The following SAMD12 variants were observed in gnomAD, a reference collection of about 807,000 sequenced individuals.
The protein encoded by SAMD12 is sterile alpha motif domain containing 12.
A neutral mutation model predicts 15.0 loss-of-function variants in SAMD12; 9 were observed. The observed-to-expected ratio is 0.60, with a 90% CI of 0.36 to 1.05. The LOEUF is 1.05. Among genes scored for constraint, SAMD12 ranks in the 50% least tolerant of loss-of-function variants. The pLI is 0.01. For synonymous variants in SAMD12, 86 were observed against 90.1 expected (o/e 0.96, Z 0.25); for missense variants, 230 against 234.2 (o/e 0.98, Z 0.12).
intron 4 of SAMD12, among the ~76,000 whole-genome samples, chr8:118,339,364 A>T (rs1374869667): frequency 3.3e-5 from 5 of 152,090 alleles, no homozygotes; most frequent in Non-Finnish European, 7.4e-5. Flanking sequence ...AAGGAAAGAG[A>T]GAGAGAAAGA....
intron 2 of SAMD12, among the ~76,000 whole-genome samples, chr8:118,472,622 T>A (rs1368683634): frequency 2.0e-5 from 3 of 151,348 alleles, no homozygotes; most frequent in African/African-American, 7.3e-5. Context: ...ATATAGTGAG[T>A]GATGATCGCA....
At chr8:118,137,398 G>A in the SAMD12 span, among the ~76,000 whole-genome samples, 3 of 152,134 alleles carry the variant, frequency 2.0e-5, no homozygotes, top group Non-Finnish European at 4.4e-5. Context: ...GGGGTGGGGG[G>A]CTTTGCAAAG....
intron 3 of SAMD12, among the ~76,000 whole-genome samples, chr8:118,437,639 T>A (rs1404764559): frequency 1.3e-5 from 2 of 152,184 alleles, no homozygotes; most frequent in Admixed American, 1.3e-4. Flanking sequence ...ATAAGCAGCT[T>A]GCCCAAGATC....
At chr8:118,582,096 T>TCAGG (rs1357888506) in intron 1 of SAMD12, among the ~76,000 whole-genome samples, 1 of 152,108 alleles carries the variant, frequency 6.6e-6, no homozygotes, top group East Asian at 1.9e-4. Context: ...TGATGAGTAC[T>TCAGG]TTAGACCTGA....
At chr8:118,309,502 T>A (rs1008359789) in intron 4 of SAMD12, among the ~76,000 whole-genome samples, 7 of 152,090 alleles carry the variant, frequency 4.6e-5, no homozygotes, top group Non-Finnish European at 1.0e-4. Flanking sequence ...CTCTTACAAA[T>A]ATGCATGTGC....
At chr8:118,273,631 ACT>A (rs769186506) in intron 4 of SAMD12, among the ~76,000 whole-genome samples, 23 of 152,142 alleles carry the variant, frequency 1.5e-4, no homozygotes, top group Admixed American at 5.9e-4. Context: ...CCCATGATGA[ACT>A]CTGAGACATT....
At chr8:118,374,219 A>G (rs1384402692), downstream of SAMD12, among the ~76,000 whole-genome samples, 3 of 152,094 alleles carry the variant, frequency 2.0e-5, no homozygotes, top group Non-Finnish European at 4.4e-5. Context: ...GATACTCCAT[A>G]TGAGTAGAAT....
chr8:118,396,190 C>T (rs545149472), intron 3 of SAMD12, among the ~76,000 whole-genome samples: 3 of 152,184 alleles, frequency 2.0e-5, no homozygotes, highest in African/African-American at 7.2e-5. Context: ...CACATGCAAG[C>T]TCTGTGAGCT....
chr8:118,615,968 T>C (rs1828228860), intron 1 of SAMD12, among the ~76,000 whole-genome samples: 1 of 152,186 alleles, frequency 6.6e-6, no homozygotes, highest in Admixed American at 6.5e-5. Context: ...GTTCACACAG[T>C]CACTGGAAGG....
intron 2 of SAMD12, among the ~76,000 whole-genome samples, chr8:118,573,903 C>T (rs1360204452): frequency 1.3e-5 from 2 of 152,156 alleles, no homozygotes; most frequent in East Asian, 3.8e-4. Context: ...ATTGATATTG[C>T]AGCAGTGAAC....
intron 2 of SAMD12, among the ~76,000 whole-genome samples, chr8:118,539,041 G>A (rs371058175): frequency 1.7e-4 from 26 of 152,178 alleles, no homozygotes; most frequent in African/African-American, 6.3e-4. Context: ...AGCAATTCAA[G>A]CCATCTCCCA....
At chr8:118,550,508 T>A (rs1323398646) in intron 2 of SAMD12, among the ~76,000 whole-genome samples, 1 of 152,098 alleles carries the variant, frequency 6.6e-6, no homozygotes, top group Non-Finnish European at 1.5e-5. Context: ...AGGCCTGCCC[T>A]AAAAGAGCTC....
intron 4 of SAMD12, among the ~76,000 whole-genome samples, chr8:118,372,452 T>C (rs529627387): frequency 6.6e-6 from 1 of 150,760 alleles, no homozygotes; most frequent in South Asian, 2.1e-4. Context: ...AAATCTCCCA[T>C]TGTTTTCATA....
intron 4 of SAMD12, among the ~76,000 whole-genome samples, chr8:118,347,809 G>T (rs1817741475): frequency 6.6e-6 from 1 of 152,076 alleles, no homozygotes; most frequent in Non-Finnish European, 1.5e-5. Context: ...CTCTTACATA[G>T]CTCTTACTGT....
Position 118,468,943 on chromosome 8 carries a change from T to C in SAMD12, c.193-28982A>G, listed in dbSNP as rs538438045. Among the ~76,000 whole-genome samples, 5 of 152,204 alleles carry C rather than the reference T, an allele frequency of 3.3e-5. No homozygotes were observed. The South Asian group carries it at 1.0e-3, about 31-fold the overall frequency. ...TAAGTTGCAGTGAGAGGCTGCTGCTTCATCATATCATATAGGATTCTGCTG... is the reference window on the plus strand; with the variant it reads ...TAAGTTGCAGTGAGAGGCTGCTGCTCCATCATATCATATAGGATTCTGCTG... On this transcript the variant is annotated intron_variant, in intron 2 of 3. Coordinates refer to ENST00000314727, the MANE Select transcript of SAMD12 (RefSeq NM_207506.3).
intron 3 of SAMD12, among the ~76,000 whole-genome samples, chr8:118,429,641 C>T (rs763817080): frequency 5.3e-5 from 8 of 152,088 alleles, no homozygotes; most frequent in Non-Finnish European, 7.4e-5. Context: ...TGCCTGTAAT[C>T]CCAGCACTTT....
chr8:118,591,587 T>C (rs1827586451), intron 1 of SAMD12, among the ~76,000 whole-genome samples: 1 of 152,068 alleles, frequency 6.6e-6, no homozygotes, highest in Admixed American at 6.6e-5. Flanking sequence ...AATAGTACCA[T>C]GCACTTTTAA....
intron 2 of SAMD12, among the ~76,000 whole-genome samples, chr8:118,510,706 G>T (rs1825056833): frequency 6.6e-6 from 1 of 152,110 alleles, no homozygotes; most frequent in South Asian, 2.1e-4. Context: ...TTACAGCCTG[G>T]CTCTACTAGG....
chr8:118,168,012 T>A, the SAMD12 span, among the ~76,000 whole-genome samples: 9 of 152,270 alleles, frequency 5.9e-5, no homozygotes, highest in African/African-American at 1.9e-4. Context: ...TGGGAGGTAA[T>A]TGAATCACAG....
Sources: allele counts gnomAD v4.1 joint callset (sites outside exome capture counted in the v4.1 genomes callset), GRCh38; gene constraint gnomAD v4.1.1; transcripts MANE v1.5; gene names NCBI Gene and HGNC (gene_info 2026-07-23, HGNC 2026-07-21).